The following RGS7 variants were observed in gnomAD, a reference collection of about 807,000 sequenced individuals.
RGS7 encodes the protein regulator of G-protein signaling 7.
In RGS7, 27 loss-of-function variants were observed where a neutral mutation model predicts 81.1. The observed-to-expected ratio is 0.33, with a 90% CI of 0.25 to 0.46. The LOEUF (loss-of-function observed/expected upper bound fraction) is 0.46. Ranked by LOEUF, RGS7 falls within the 20% of genes least tolerant of loss-of-function variation. The pLI is 1.00. For synonymous variants in RGS7, 208 were observed against 207.7 expected (o/e 1.00, Z -0.01); for missense variants, 396 against 607.4 (o/e 0.65, Z 3.66).
At chr1:240,871,270 T>C (rs1664442830) in intron 6 of RGS7, among the ~76,000 whole-genome samples, 1 of 152,214 alleles carries the variant, frequency 6.6e-6, no homozygotes, top group Non-Finnish European at 1.5e-5. Context: ...ATATTACTTA[T>C]TGTAAGTCTA....
intron 2 of RGS7, among the ~76,000 whole-genome samples, chr1:241,306,911 G>T (rs4660064): frequency 0.28 from 42,291 of 152,102 alleles, 6,362 homozygotes; most frequent in Non-Finnish European, 0.32. Context: ...TATGTGAATG[G>T]CGTCCCAGTA....
chr1:240,880,520 G>C lies in RGS7; in HGVS notation c.386-10401C>G, dbSNP rs1666191512. Among the ~76,000 whole-genome samples the C allele has an allele frequency of 3.9e-5, 6 of 152,192 alleles. No homozygotes were observed. In the South Asian group the frequency reaches 1.0e-3, roughly 26 times the overall value. On this transcript the variant is annotated intron_variant, in intron 6 of 18. Transcript: ENST00000440928. ...GCCACTGCATTGCTCTCCTCCCAGT[G>C]TCTCCCCTCTACCCTCGAGCTTGCT...
intron 2 of RGS7, among the ~76,000 whole-genome samples, chr1:241,236,178 T>C (rs943477077): frequency 1.4e-5 from 2 of 140,468 alleles, no homozygotes; most frequent in East Asian, 4.3e-4. Flanking sequence ...CCGCCCCCCA[T>C]ATTTTAGAAA....
At chr1:240,871,787 A>G (rs767153252) in intron 6 of RGS7, among the ~76,000 whole-genome samples, 1 of 152,230 alleles carries the variant, frequency 6.6e-6, no homozygotes, top group Non-Finnish European at 1.5e-5. Flanking sequence ...TCATGAGAGA[A>G]AGATCAAATT....
At chr1:241,353,594 T>C (rs797006447) in intron 2 of RGS7, among the ~76,000 whole-genome samples, 1 of 152,170 alleles carries the variant, frequency 6.6e-6, no homozygotes, top group South Asian at 2.1e-4. Context: ...GAGTTACTTT[T>C]TCCAATAATG....
Position 240,827,090 on chromosome 1 carries a change from A to C in RGS7, c.684+8T>G. 6.2e-7 allele frequency: 1 copy of C among 1,608,576 alleles called. No homozygotes were observed. Among genetic ancestry groups the C allele is most frequent in the Non-Finnish European group, 8.5e-7 (1 of 1,174,948 alleles). ...CACCAAGATCAGCACAACAAATGAC[A>C]GTTTTACCTTCCGTGTTTTGTGGGG... On this transcript the variant is annotated splice_region_variant and intron_variant, in intron 10 of 18. Transcript: ENST00000440928.
chr1:240,870,315 A>G (rs914957934), intron 6 of RGS7, among the ~76,000 whole-genome samples, 196 bp from the exon 7 acceptor site: 1 of 152,218 alleles, frequency 6.6e-6, no homozygotes, highest in Non-Finnish European at 1.5e-5. Flanking sequence ...ATACCCTAAT[A>G]AAATAAATAT....
chr1:240,808,179 G>GAAAAAGAT (rs112486175), intron 14 of RGS7, among the ~76,000 whole-genome samples: 69 of 152,234 alleles, frequency 4.5e-4, no homozygotes, highest in African/African-American at 1.6e-3. Context: ...AATGAGTAGA[G>GAAAAAGAT]AAAAAGATAA....
intron 2 of RGS7, among the ~76,000 whole-genome samples, chr1:241,317,511 CA>C (rs1253373141): frequency 1.3e-5 from 2 of 152,104 alleles, no homozygotes; most frequent in Admixed American, 1.3e-4. Context: ...CCTATGTGCA[CA>C]AAGGAAGCTA....
chr1:241,117,266 T>C (rs193120950), intron 2 of RGS7, among the ~76,000 whole-genome samples: 12 of 152,308 alleles, frequency 7.9e-5, no homozygotes, highest in Middle Eastern at 3.4e-3. Context: ...AACCAAGACA[T>C]TGAAATGCTC....
intron 5 of RGS7, among the ~76,000 whole-genome samples, chr1:240,936,169 T>G (rs1193614197): frequency 1.3e-5 from 2 of 152,218 alleles, no homozygotes; most frequent in African/African-American, 4.8e-5. Context: ...TACAGATTTG[T>G]AGAAGAGCCT....
At chr1:240,968,166 C>T (rs1682633318) in intron 4 of RGS7, among the ~76,000 whole-genome samples, 1 of 152,200 alleles carries the variant, frequency 6.6e-6, no homozygotes. Context: ...ACTATCCACA[C>T]ATACCCGTGT....
chr1:240,992,323 G>A (rs1686571577), intron 3 of RGS7, among the ~76,000 whole-genome samples: 1 of 152,130 alleles, frequency 6.6e-6, no homozygotes, highest in African/African-American at 2.4e-5. Context: ...CCAAGATGCT[G>A]AACCTCGTCT....
chr1:241,169,707 G>C (rs1023450293), intron 2 of RGS7, among the ~76,000 whole-genome samples: 1 of 152,072 alleles, frequency 6.6e-6, no homozygotes, highest in African/African-American at 2.4e-5. Context: ...TTTACTGATG[G>C]CTAGTATAAG....
At chr1:240,885,295 T>G (rs1667164541) in intron 6 of RGS7, among the ~76,000 whole-genome samples, 1 of 152,014 alleles carries the variant, frequency 6.6e-6, no homozygotes, top group Admixed American at 6.6e-5. Context: ...ACTTGCACAC[T>G]CTTGGTGGGA....
intron 2 of RGS7, among the ~76,000 whole-genome samples, chr1:241,314,030 A>G (rs1191099014): frequency 6.6e-6 from 1 of 152,210 alleles, no homozygotes; most frequent in African/African-American, 2.4e-5. Context: ...TGCAAAAAAA[A>G]GTGGTTTTTT....
intron 4 of RGS7, among the ~76,000 whole-genome samples, chr1:240,964,064 G>A (rs1229007623): frequency 6.6e-6 from 1 of 152,192 alleles, no homozygotes; most frequent in Non-Finnish European, 1.5e-5. Context: ...TGGTGAGAGA[G>A]GATGGGGTAA....
intron 3 of RGS7, among the ~76,000 whole-genome samples, chr1:241,053,761 AG>A (rs1181724103): frequency 2.0e-5 from 3 of 152,162 alleles, no homozygotes; most frequent in Non-Finnish European, 4.4e-5. Context: ...AACTGAATCA[AG>A]GGGGGCAGTT....
chr1:241,040,570 C>T (rs908800075), intron 3 of RGS7, among the ~76,000 whole-genome samples: 1 of 151,932 alleles, frequency 6.6e-6, no homozygotes, highest in African/African-American at 2.4e-5. Context: ...GGCGCGATCT[C>T]GGCTCACTGC....
Sources: gnomAD v4.1 joint callset for allele counts (sites outside exome capture counted in the v4.1 genomes callset) on GRCh38, gnomAD v4.1.1 for gene constraint, MANE v1.5 for transcripts, NCBI Gene and HGNC (gene_info 2026-07-23, HGNC 2026-07-21) for gene names.